Variants in METTL15 observed in about 807,000 individuals in gnomAD.
The protein encoded by METTL15 is 12S rRNA N(4)-cytidine methyltransferase METTL15.
METTL15 carries 34 observed loss-of-function variants against 38.3 expected under a neutral mutation model. The ratio of observed to expected loss-of-function variants is 0.89; its 90% confidence interval spans 0.68 to 1.18. The LOEUF (loss-of-function observed/expected upper bound fraction) is 1.18, where lower values mean the gene tolerates loss of function less well. Among genes scored for constraint, METTL15 ranks in the 50% most tolerant of loss-of-function variants. The probability of loss-of-function intolerance (pLI) is 0.00; values close to 1 mark genes in which losing one functional copy is unlikely to be tolerated. For synonymous variants in METTL15, 162 were observed against 170.9 expected (o/e 0.95, Z 0.41); for missense variants, 438 against 498.4 (o/e 0.88, Z 1.15).
At chr11:28,345,681 G>A (rs1277834216) in intron 3 of METTL15, among the ~76,000 whole-genome samples, 1 of 151,950 alleles carries the variant, frequency 6.6e-6, no homozygotes, top group African/African-American at 2.4e-5. Context: ...TTTTCTAAAG[G>A]ACCAGTGGAT....
chr11:28,181,259 A>AT lies in METTL15; in HGVS notation c.271-29789dup, dbSNP rs71449171. On this transcript the variant is annotated intron_variant, in intron 3 of 6. Transcript: ENST00000407364. ...CGTTTATTTATTTATTTAATTTTTA[A>AT]TTTTTTTTTTTTTTGTATTTTAAGT... 1.6e-3 allele frequency among the ~76,000 whole-genome samples: 211 copies of AT among 133,790 alleles called. 3 individuals carry two copies. Among genetic ancestry groups the AT allele is most frequent in the South Asian group, 3.6e-3 (15 of 4,204 alleles). 87.8% of individuals were successfully genotyped at this position (133,790 alleles called of 152,430 possible).
At chr11:28,310,945 TGGTGGTGGTGGTGGTGGTGG>T (rs2134025494) in intron 6 of METTL15, among the ~76,000 whole-genome samples, 1 of 89,624 alleles carries the variant, frequency 1.1e-5, no homozygotes, top group South Asian at 4.2e-4. Flanking sequence ...GTGGTGGTGG[TGGTGGTGGTGGTGGTGGTGG>T]GTGTGTGTGT....
At chr11:28,140,113 C>G (rs1015893162) in intron 3 of METTL15, among the ~76,000 whole-genome samples, 2 of 152,262 alleles carry the variant, frequency 1.3e-5, no homozygotes, top group African/African-American at 4.8e-5. Flanking sequence ...CTTTCTGTTC[C>G]GAGCGTGTGC....
chr11:28,501,880 A>G (rs1490475240), intron 6 of METTL15, among the ~76,000 whole-genome samples: 1 of 152,160 alleles, frequency 6.6e-6, no homozygotes, highest in Non-Finnish European at 1.5e-5. Flanking sequence ...CAGGCGGATC[A>G]CGAAGTCAGG....
chr11:28,221,691 C>T (rs1014694491), intron 4 of METTL15, among the ~76,000 whole-genome samples: 17 of 152,080 alleles, frequency 1.1e-4, no homozygotes, highest in Non-Finnish European at 2.5e-4. Flanking sequence ...GTTTTATCTA[C>T]CTTTCGTCTT....
chr11:28,392,043 G>A (rs1231433208), intron 5 of METTL15, among the ~76,000 whole-genome samples: 1 of 152,052 alleles, frequency 6.6e-6, no homozygotes. Flanking sequence ...CAGAATGAGA[G>A]AAAATTTTTG....
chr11:28,510,691 G>A (rs1851666846), intron 6 of METTL15, among the ~76,000 whole-genome samples: 1 of 152,144 alleles, frequency 6.6e-6, no homozygotes, highest in South Asian at 2.1e-4. Flanking sequence ...CCAAAATCAT[G>A]TTAAGTATGC....
chr11:28,450,655 G>GT (rs1370471513), intron 6 of METTL15, among the ~76,000 whole-genome samples: 1 of 152,224 alleles, frequency 6.6e-6, no homozygotes, highest in African/African-American at 2.4e-5. Flanking sequence ...TCTGGATTTA[G>GT]TTTTGGGCTC....
intron 5 of METTL15, among the ~76,000 whole-genome samples, chr11:28,385,157 A>G (rs542794516): frequency 6.6e-6 from 1 of 152,240 alleles, no homozygotes; most frequent in Non-Finnish European, 1.5e-5. Flanking sequence ...ATTAGAAGCC[A>G]TTTGTCAATT....
chr11:28,493,288 C>T (rs1851511781), intron 6 of METTL15, among the ~76,000 whole-genome samples: 1 of 152,002 alleles, frequency 6.6e-6, no homozygotes, highest in Non-Finnish European at 1.5e-5. Flanking sequence ...AGTGAGCCTC[C>T]CCATGCTTAG....
intron 3 of METTL15, among the ~76,000 whole-genome samples, chr11:28,132,676 T>C (rs1161912613): frequency 6.6e-6 from 1 of 152,160 alleles, no homozygotes; most frequent in Non-Finnish European, 1.5e-5. Context: ...AAAATTCACA[T>C]TGGGGTAGCT....
chr11:28,395,618 G>GA (rs1298201517), intron 5 of METTL15, among the ~76,000 whole-genome samples: 1 of 151,870 alleles, frequency 6.6e-6, no homozygotes, highest in African/African-American at 2.4e-5. Flanking sequence ...CCTACCAACT[G>GA]AAAAAAGTCC....
chr11:28,174,739 C>CG (rs964861516), intron 3 of METTL15, among the ~76,000 whole-genome samples: 4 of 147,794 alleles, frequency 2.7e-5, no homozygotes, highest in Middle Eastern at 3.5e-3. Flanking sequence ...GGTATGAAGC[C>CG]GGGGGGCGGA....
chr11:28,198,789 T>C (rs573532666), intron 3 of METTL15, among the ~76,000 whole-genome samples: 1 of 152,242 alleles, frequency 6.6e-6, no homozygotes, highest in South Asian at 2.1e-4. Context: ...AGTTACATGT[T>C]CTAATTTATT....
chr11:28,145,169 G>A (rs1849837344), intron 3 of METTL15: 1 of 153,102 alleles, frequency 6.5e-6, no homozygotes, highest in Non-Finnish European at 1.5e-5. Context: ...ACCAGCGCTG[G>A]AGCCTCCTCC....
At chr11:28,159,725 A>G (rs985916894) in intron 3 of METTL15, among the ~76,000 whole-genome samples, 6 of 152,172 alleles carry the variant, frequency 3.9e-5, no homozygotes, top group Admixed American at 2.6e-4. Context: ...AAGTATCGTT[A>G]ACTTTATGTA....
chr11:28,155,951 A>G (rs1458462258), intron 3 of METTL15, among the ~76,000 whole-genome samples: 2 of 152,196 alleles, frequency 1.3e-5, no homozygotes, highest in East Asian at 1.9e-4. Context: ...GAGAGTAAGT[A>G]TAGTAATTAA....
In METTL15 at chr11:28,133,739, A is replaced by G. The variant is rs574211883; in HGVS notation, c.270+20135A>G. ...ACCAACAATCAGCACCCAGTGGTTG[A>G]GCAGTCTTGGGAATATATCCTCTAG... is the stretch of plus-strand genomic sequence containing the variant. On this transcript the variant is annotated intron_variant, in intron 3 of 6. Transcript: ENST00000407364. Among the ~76,000 whole-genome samples the G allele has an allele frequency of 1.1e-4, 17 of 152,306 alleles. 1 individual carries two copies. Among genetic ancestry groups the G allele is most frequent in the African/African-American group, 3.8e-4 (16 of 41,568 alleles).
At chr11:28,421,879 G>A (rs528957538) in intron 5 of METTL15, among the ~76,000 whole-genome samples, 1 of 152,024 alleles carries the variant, frequency 6.6e-6, no homozygotes, top group East Asian at 1.9e-4. Context: ...CATCCAAATT[G>A]GAAAGGAATA....
Sources: gnomAD v4.1 joint callset for allele counts (sites outside exome capture counted in the v4.1 genomes callset) on GRCh38, gnomAD v4.1.1 for gene constraint, MANE v1.5 for transcripts, NCBI Gene and HGNC (gene_info 2026-07-23, HGNC 2026-07-21) for gene names.